The following SCN1A variants were observed in gnomAD, a reference collection of about 807,000 sequenced individuals.
The protein encoded by SCN1A is sodium channel protein type 1 subunit alpha.
In SCN1A, 13 loss-of-function variants were observed where a neutral mutation model predicts 193.7. The ratio of observed to expected loss-of-function variants is 0.07; its 90% CI spans 0.04 to 0.11. SCN1A has a LOEUF of 0.11. Among genes scored for constraint, SCN1A ranks in the 10% least tolerant of loss-of-function variants. SCN1A has a pLI of 1.00. For missense variants in SCN1A, 1,432 were observed against 2,451.1 expected (o/e 0.58, Z 8.78); for synonymous variants, 781 against 843.6 (o/e 0.93, Z 1.29).
intron 4 of SCN1A, among the ~76,000 whole-genome samples, chr2:166,070,129 G>A (rs1438494113): frequency 6.6e-6 from 1 of 152,032 alleles, no homozygotes; most frequent in East Asian, 1.9e-4. Flanking sequence ...AATTAGAAAA[G>A]AAAATTAAAG....
Position 166,051,894 on chromosome 2 carries a change from T to C in SCN1A, c.789A>G (p.Leu263=). 1 of 1,612,514 alleles carries C rather than the reference T, an allele frequency of 6.2e-7. No individual in the cohort carries two copies. The highest frequency in any genetic ancestry group is 8.5e-7 in the Non-Finnish European group (1 of 1,178,974). The part of the protein sequence containing the change: ...LTVFCLSVFA[L]IGLQLFMGNL... ...TGCCCATGAACAGCTGCAGCCCAATTAGAGCAAATACGCTCAGACAGAACA... is the reference window on the plus strand; with the variant it reads ...TGCCCATGAACAGCTGCAGCCCAATCAGAGCAAATACGCTCAGACAGAACA... The change falls in exon 9 of 29, where the codon CTA becomes CTG. Residue 263 remains leucine, a synonymous_variant. Coordinates refer to ENST00000674923, the MANE Select transcript of SCN1A (RefSeq NM_001165963.4).
intron 2 of SCN1A, among the ~76,000 whole-genome samples, chr2:166,116,282 C>A (rs577693870): frequency 6.6e-6 from 1 of 152,156 alleles, no homozygotes; most frequent in African/African-American, 2.4e-5. Context: ...AAACTTCTTA[C>A]ATTGGTTTAG....
intron 1 of SCN1A, among the ~76,000 whole-genome samples, chr2:166,148,067 A>G (rs1455580107): frequency 6.6e-6 from 1 of 152,212 alleles, no homozygotes; most frequent in Non-Finnish European, 1.5e-5. Context: ...TGCAGACTTT[A>G]CTTTCCTAAC....
At chr2:166,075,094 T>G (rs2105991022) in intron 3 of SCN1A, among the ~76,000 whole-genome samples, 1 of 152,298 alleles carries the variant, frequency 6.6e-6, no homozygotes, top group South Asian at 2.1e-4. Flanking sequence ...TACTAACATT[T>G]ATTTTTTGCA....
chr2:166,049,330 TAGAC>T (rs1043660471), intron 9 of SCN1A, among the ~76,000 whole-genome samples: 2 of 151,962 alleles, frequency 1.3e-5, no homozygotes, highest in South Asian at 2.1e-4. Context: ...TCAGTAAAAA[TAGAC>T]AGGAATGACA....
At chr2:166,067,441 AGGCTTATTTAGATTCCATCACT>A (rs1683959971) in intron 4 of SCN1A, among the ~76,000 whole-genome samples, 1 of 151,274 alleles carries the variant, frequency 6.6e-6, no homozygotes, top group African/African-American at 2.4e-5. Flanking sequence ...GGACAGCTAT[AGGCTTATTTAGATTCCATCACT>A]GACTTCTCTT....
At chr2:166,091,930 G>A (rs1313634638) in intron 2 of SCN1A, among the ~76,000 whole-genome samples, 3 of 152,030 alleles carry the variant, frequency 2.0e-5, no homozygotes, top group Admixed American at 6.6e-5. Context: ...CTCAGTGCAC[G>A]GGCTATAGGA....
intron 2 of SCN1A, among the ~76,000 whole-genome samples, chr2:166,118,144 AAG>A (rs971680861): frequency 8.8e-5 from 13 of 148,282 alleles, no homozygotes; most frequent in Admixed American, 1.4e-4. Flanking sequence ...TGAAAAAAAA[AAG>A]AGAGAGAGAG....
In SCN1A at chr2:166,016,958, C is replaced by A. The variant is rs148424743; in HGVS notation, c.3430-1231G>T. ...GTTGATATTTCAGTAAAAGTTTCAC[C>A]GAAATATTTGTATTTGCTTGAAGAA... On this transcript the variant is annotated intron_variant, in intron 19 of 28. Coordinates refer to ENST00000674923, the MANE Select transcript of SCN1A (RefSeq NM_001165963.4). 6.0e-5 allele frequency among the ~76,000 whole-genome samples: 9 copies of A among 149,692 alleles called. 1 individual carries two copies. The highest frequency in any genetic ancestry group is 1.3e-4 in the Non-Finnish European group (9 of 67,422).
At chr2:166,017,854 C>T (rs895041106) in intron 19 of SCN1A, among the ~76,000 whole-genome samples, 1 of 151,928 alleles carries the variant, frequency 6.6e-6, no homozygotes, top group African/African-American at 2.4e-5. Context: ...TCTGCTAGGT[C>T]TGATCCCCAC....
At chr2:166,086,645 C>G (rs1254038364) in intron 2 of SCN1A, among the ~76,000 whole-genome samples, 1 of 152,162 alleles carries the variant, frequency 6.6e-6, no homozygotes, top group Non-Finnish European at 1.5e-5. Flanking sequence ...GAAGGTCACT[C>G]TGCAGGCTGC....
In SCN1A at chr2:166,052,051, C is replaced by G. The variant is rs924764181; in HGVS notation, c.695-63G>C. 2.0e-6 allele frequency: 3 copies of G among 1,466,616 alleles called. No individual in the cohort carries two copies. In the African/African-American group the frequency reaches 4.3e-5, roughly 21 times the overall value. The allele number at this position is 1,466,616 out of a possible 1,614,324, so 90.9% of individuals were successfully genotyped here. On this transcript the variant is annotated intron_variant, in intron 8 of 28. Coordinates refer to ENST00000674923, the MANE Select transcript of SCN1A (RefSeq NM_001165963.4). ...CGTGTGAAATAATAAAAGCTTCACA[C>G]AATTTTCTTGAAAACATAGATTTCA...
At chr2:166,143,949 T>G (rs1039986131) in intron 1 of SCN1A, among the ~76,000 whole-genome samples, 12 of 152,240 alleles carry the variant, frequency 7.9e-5, no homozygotes, top group African/African-American at 2.7e-4. Flanking sequence ...GAATTTATAT[T>G]TGATCTTGGG....
intron 3 of SCN1A, chr2:166,077,081 T>C (rs1685058541): frequency 6.6e-6 from 1 of 151,918 alleles, no homozygotes; most frequent in African/African-American, 2.4e-5. Context: ...TGTTTTTGGT[T>C]TTCTAGGAGT....
At chr2:166,042,485 C>A in intron 14 of SCN1A, 61 bp from the exon 15 acceptor site, 1 of 1,502,932 alleles carries the variant, frequency 6.7e-7, no homozygotes, top group Admixed American at 1.7e-5. Flanking sequence ...AAGCAAACAA[C>A]CAAATGGTGA....
At chr2:166,125,059 A>C (rs497480) in intron 2 of SCN1A, among the ~76,000 whole-genome samples, 141,626 of 152,262 alleles carry the variant, frequency 0.93, 66,160 homozygotes, top group East Asian at 0.98. Flanking sequence ...GTCACAACTT[A>C]TTTTTCTGAT....
Position 166,038,040 on chromosome 2 carries a change from G to T in SCN1A, c.2682C>A (p.Thr894=), listed in dbSNP as rs775183692. 1 of 1,614,152 alleles carries T rather than the reference G, an allele frequency of 6.2e-7. No individual in the cohort carries two copies. The highest frequency in any genetic ancestry group is 8.5e-7 in the Non-Finnish European group (1 of 1,180,026). The part of the protein sequence containing the change: ...GNSVGALGNL[T]LVLAIIVFIF... Reference sequence around the variant, plus strand: ...TGAAGACGATGATGGCCAAGACGAGGGTTAAATTTCCCAGAGCCCCCACGG... The same window carrying T: ...TGAAGACGATGATGGCCAAGACGAGTGTTAAATTTCCCAGAGCCCCCACGG... The change falls in exon 18 of 29, where the codon ACC becomes ACA. Residue 894 remains threonine (T), a synonymous_variant. Transcript: ENST00000674923.
At chr2:166,136,424 A>C (rs1691860414) in intron 1 of SCN1A, among the ~76,000 whole-genome samples, 2 of 48,262 alleles carry the variant, frequency 4.1e-5, no homozygotes, top group Admixed American at 3.1e-4. Context: ...ATATATATGC[A>C]TATATATATA....
intron 1 of SCN1A, among the ~76,000 whole-genome samples, chr2:166,142,126 T>TGG (rs1692112522): frequency 6.6e-6 from 1 of 152,096 alleles, no homozygotes; most frequent in Non-Finnish European, 1.5e-5. Flanking sequence ...GTTGGGTCTG[T>TGG]GGAAGTGGCT....
Sources: gnomAD v4.1 joint callset for allele counts (sites outside exome capture counted in the v4.1 genomes callset) on GRCh38, gnomAD v4.1.1 for gene constraint, MANE v1.5 for transcripts, NCBI Gene and HGNC (gene_info 2026-07-23, HGNC 2026-07-21) for gene names.